SPATA31E1: variants seen among roughly 807,000 people sequenced by gnomAD.
SPATA31E1 encodes SPATA31 subfamily E member 1, also known as spermatogenesis-associated protein 31E1.
In SPATA31E1, 7 loss-of-function variants were observed where a neutral mutation model predicts 12.9. That is an observed-to-expected ratio of 0.54 (90% CI 0.31 to 1.02). The LOEUF (loss-of-function observed/expected upper bound fraction) is 1.02. SPATA31E1 is among the 50% of genes least tolerant of loss of function. The probability of loss-of-function intolerance (pLI) is 0.05; values close to 1 mark genes in which losing one functional copy is unlikely to be tolerated. For missense variants in SPATA31E1, 1,961 were observed against 1,799.8 expected (o/e 1.09, Z -1.62); for synonymous variants, 771 against 719.0 (o/e 1.07, Z -1.16).
Position 87,885,217 on chromosome 9 carries a change from C to T in SPATA31E1, c.730C>T (p.Pro244Ser). Residue 244 changes from proline to serine, a missense_variant, in exon 4 of 4, where the codon CCT (proline) becomes TCT (serine). Physicochemically the swap from Pro to Ser is moderately conservative, Grantham distance 74. Transcript: ENST00000325643. ...AACCCAGCCACATGTGGTTTTTCCT[C>T]CTTCACCACAGCCGCATGGTCCCCT... Reference protein sequence around the residue: ...PATQPHVVFPPSPQPHGPLAS... With the variant: ...PATQPHVVFPSSPQPHGPLAS... 1.2e-6 allele frequency: 2 copies of T among 1,614,142 alleles called. No individual in the cohort carries two copies. The highest frequency in any genetic ancestry group is 1.6e-4 in the Middle Eastern group (1 of 6,062).
At position 87,885,206 on chromosome 9, in the gene SPATA31E1, T is replaced by C; in HGVS notation, c.719T>C (p.Val240Ala). Residue 240 changes from valine to alanine, a missense_variant, in exon 4 of 4, where the codon GTG (valine) becomes GCG (alanine). Coordinates refer to ENST00000325643, the MANE Select transcript of SPATA31E1 (RefSeq NM_178828.5). Reference sequence around the variant, plus strand: ...AAATGCCCTGCAACCCAGCCACATGTGGTTTTTCCTCCTTCACCACAGCCG... The same window carrying C: ...AAATGCCCTGCAACCCAGCCACATGCGGTTTTTCCTCCTTCACCACAGCCG... ...PLKCPATQPH[V>A]VFPPSPQPHG... 2 of 1,613,952 alleles carry C rather than the reference T, an allele frequency of 1.2e-6. No homozygotes were observed. The highest frequency in any genetic ancestry group is 1.7e-6 in the Non-Finnish European group (2 of 1,179,974).
rs118103831 is a variant in SPATA31E1 at position 87,885,654 on chromosome 9, G to A, written c.1167G>A (p.Pro389=). Residue 389 remains proline (P), a synonymous_variant, in exon 4 of 4, where the codon CCG becomes CCA. Transcript: ENST00000325643. ...AAGAAAGAAAACGGGCCGACCACCC[G>A]CACATGACATCACTGGGGAAGGAGT... ...QEKERKRADH[P]HMTSLGKEWD... is the part of the protein sequence containing the mutation. 5,076 of 1,613,808 alleles carry A rather than the reference G, an allele frequency of 3.1e-3. 14 individuals carry two copies. The highest frequency in any genetic ancestry group is 3.2e-3 in the Non-Finnish European group (3,820 of 1,180,018).
Position 87,885,761 on chromosome 9 carries a change from C to T in SPATA31E1, c.1274C>T (p.Ala425Val). The T allele has an allele frequency of 6.2e-7, 1 of 1,614,026 alleles. No individual in the cohort carries two copies. The highest frequency in any genetic ancestry group is 8.5e-7 in the Non-Finnish European group (1 of 1,180,028). ...CCCCGTCCTCAGCAAGTCTCTGATGCCACAACCGTGGGGAACCACTTACAG... is the reference window on the plus strand; with the variant it reads ...CCCCGTCCTCAGCAAGTCTCTGATGTCACAACCGTGGGGAACCACTTACAG... ...QLPRPQQVSD[A>V]TTVGNHLQQK... The change falls in exon 4 of 4, where the codon GCC becomes GTC. Residue 425 changes from alanine to valine, a missense_variant. Transcript: ENST00000325643.
In SPATA31E1 at chr9:87,885,868, C is replaced by G. The variant is rs1211906687; in HGVS notation, c.1381C>G (p.Pro461Ala). ...GACCACAGTCTGGGTTTCTAGGAAC[C>G]CTTCCTCACAGAATGCACACTCTGT... ...LATTVWVSRN[P>A]SSQNAHSVPL... The change falls in exon 4 of 4, where the codon CCT becomes GCT. Residue 461 changes from proline (P) to alanine (A), a missense_variant. Transcript: ENST00000325643. The G allele has an allele frequency of 6.2e-7, 1 of 1,613,878 alleles. No homozygotes were observed. The highest frequency in any genetic ancestry group is 8.5e-7 in the Non-Finnish European group (1 of 1,180,032).
Position 87,885,450 on chromosome 9 carries a change from C to T in SPATA31E1, c.963C>T (p.Tyr321=), listed in dbSNP as rs188385692. 65 of 1,614,056 alleles carry T rather than the reference C, an allele frequency of 4.0e-5. No homozygotes were observed. The Admixed American group carries it at 1.1e-3, about 27-fold the overall frequency. Residue 321 remains tyrosine, a synonymous_variant, in exon 4 of 4, where the codon TAC becomes TAT. Transcript: ENST00000325643. ...EAATTWGLST[Y]SHGKSQPRHL... ...CCACCACCTGGGGCCTCTCCACCTACTCACATGGCAAATCCCAGCCACGGC... is the reference window on the plus strand; with the variant it reads ...CCACCACCTGGGGCCTCTCCACCTATTCACATGGCAAATCCCAGCCACGGC...
intron 3 of SPATA31E1, 82 bp downstream of exon 3, chr9:87,884,733 G>C: frequency 6.3e-7 from 1 of 1,575,890 alleles, no homozygotes; most frequent in East Asian, 2.2e-5. Flanking sequence ...GGTGATCTGG[G>C]AGGGGGAGGT....
rs1828239989 is a variant in SPATA31E1, at chr9:87,885,031, C to T, written c.544C>T (p.Gln182Ter). 1 of 1,614,010 alleles carries T rather than the reference C, an allele frequency of 6.2e-7. No individual in the cohort carries two copies. Among genetic ancestry groups the T allele is most frequent in the Admixed American group, 1.7e-5 (1 of 60,006 alleles). ...CCACCAGCCGCATGGGAAATGCATG[C>T]AAGATCCGTCTCCTGCCAGCTTGTC... ...KAHQPHGKCM[Q>*]DPSPASLSPP... The change falls in exon 4 of 4, where the codon CAA becomes TAA. Residue 182 changes from glutamine to a stop codon, truncating the protein, a stop_gained. Transcript: ENST00000325643. LOFTEE classifies it low-confidence loss of function (END_TRUNC).
At position 87,888,598 on chromosome 9, in the gene SPATA31E1, G is replaced by C; in HGVS notation, c.4111G>C (p.Glu1371Gln). The change falls in exon 4 of 4, where the codon GAG becomes CAG. Residue 1371 changes from glutamate to glutamine, a missense_variant. Transcript: ENST00000325643. ...RGHCHQERSR[E>Q]MRALACSPKA... ...TCACTGCCACCAAGAACGTAGCAGA[G>C]AGATGAGAGCTCTGGCCTGCAGCCC... The C allele has an allele frequency of 6.2e-7, 1 of 1,614,108 alleles. No homozygotes were observed. Among genetic ancestry groups the C allele is most frequent in the South Asian group, 1.1e-5 (1 of 91,074 alleles).
chr9:87,888,070 C>T lies in SPATA31E1; in HGVS notation c.3583C>T (p.Gln1195Ter). 6.2e-7 allele frequency: 1 copy of T among 1,603,456 alleles called. No homozygotes were observed. The highest frequency in any genetic ancestry group is 8.5e-7 in the Non-Finnish European group (1 of 1,175,006). Residue 1195 changes from glutamine to a stop codon, truncating the protein, a stop_gained, in exon 4 of 4, where the codon CAG becomes TAG. Transcript: ENST00000325643. LOFTEE classifies it low-confidence loss of function (END_TRUNC). ...AAAAGCAAAGGCCCCACAGAAGAGT[C>T]AGAAGACGCTGGGCTGTGCGGACAA... ...SPKAKAPQKS[Q>*]KTLGCADKGE...
Position 87,888,244 on chromosome 9 carries a change from G to A in SPATA31E1, c.3757G>A (p.Glu1253Lys), listed in dbSNP as rs765516517. The A allele has an allele frequency of 1.2e-5, 19 of 1,613,992 alleles. No homozygotes were observed. Among genetic ancestry groups the A allele is most frequent in the South Asian group, 1.1e-5 (1 of 91,084 alleles). ...QERKYNQLQL[E>K]KGQTPPESHF... Reference sequence around the variant, plus strand: ...AAGGAAATACAACCAGCTTCAGCTGGAGAAGGGACAGACACCACCAGAAAG... The same window carrying A: ...AAGGAAATACAACCAGCTTCAGCTGAAGAAGGGACAGACACCACCAGAAAG... Residue 1253 changes from glutamate (E) to lysine (K), a missense_variant, in exon 4 of 4, where the codon GAG becomes AAG. Physicochemically the swap from Glu to Lys is moderately conservative, Grantham distance 56. Coordinates refer to ENST00000325643, the MANE Select transcript of SPATA31E1 (RefSeq NM_178828.5).
rs36079890 is a variant in SPATA31E1 at position 87,886,499 on chromosome 9, C to G, written c.2012C>G (p.Thr671Arg). Residue 671 changes from threonine (T) to arginine (R), a missense_variant, in exon 4 of 4, where the codon ACG (threonine) becomes AGG (arginine). By Grantham distance (71) the Thr-to-Arg change is moderately conservative. Coordinates refer to ENST00000325643, the MANE Select transcript of SPATA31E1 (RefSeq NM_178828.5). ...AGGCCCCAGAGTCAGGCAGAAGACA[C>G]GCAGCAGGCCCTCTTGCCCTCCCAG... ...PGRPQSQAED[T>R]QQALLPSQPS... is the part of the protein sequence containing the mutation. 1 of 1,613,782 alleles carries G rather than the reference C, an allele frequency of 6.2e-7. No individual in the cohort carries two copies. The highest frequency in any genetic ancestry group is 1.1e-5 in the South Asian group (1 of 91,080).
rs778895600 is a variant in SPATA31E1, at chr9:87,887,481, G to C, written c.2994G>C (p.Glu998Asp). ...GSMGSEMAGN[E>D]AWLESESMSP... is the part of the protein sequence containing the mutation. ...TGGGTTCAGAAATGGCTGGGAACGAGGCATGGCTTGAGAGTGAGAGCATGT... is the reference window on the plus strand; with the variant it reads ...TGGGTTCAGAAATGGCTGGGAACGACGCATGGCTTGAGAGTGAGAGCATGT... Residue 998 changes from glutamate to aspartate, a missense_variant, in exon 4 of 4, where the codon GAG becomes GAC. Coordinates refer to ENST00000325643, the MANE Select transcript of SPATA31E1 (RefSeq NM_178828.5). 1 of 1,613,898 alleles carries C rather than the reference G, an allele frequency of 6.2e-7. No individual in the cohort carries two copies. The highest frequency in any genetic ancestry group is 1.1e-5 in the South Asian group (1 of 91,090).
chr9:87,887,374 A>C lies in SPATA31E1; in HGVS notation c.2887A>C (p.Thr963Pro). 1.2e-6 allele frequency: 2 copies of C among 1,613,830 alleles called. No individual in the cohort carries two copies. The highest frequency in any genetic ancestry group is 4.5e-5 in the East Asian group (2 of 44,866). The change falls in exon 4 of 4, where the codon ACA becomes CCA. Residue 963 changes from threonine to proline, a missense_variant. Physicochemically the swap from Thr to Pro is conservative, Grantham distance 38. Transcript: ENST00000325643. ...GGGCAGGGGGTGTTCTCAGCCCCCA[A>C]CATGCAGCCTTGTGGGCAGAACCTG... ...HKGRGCSQPPTCSLVGRTWQS... is the reference protein window; with the variant it reads ...HKGRGCSQPPPCSLVGRTWQS...
chr9:87,886,440 G>A lies in SPATA31E1; in HGVS notation c.1953G>A (p.Gly651=). The A allele has an allele frequency of 2.5e-6, 4 of 1,613,922 alleles. No individual in the cohort carries two copies. The highest frequency in any genetic ancestry group is 3.4e-6 in the Non-Finnish European group (4 of 1,179,982). Reference sequence around the variant, plus strand: ...CTCCCAGCAGATTGCAGGCATCTGGGGACCTGCTACAGCCTGATGGGGAAT... The same window carrying A: ...CTCCCAGCAGATTGCAGGCATCTGGAGACCTGCTACAGCCTGATGGGGAAT... ...CGPPSRLQAS[G]DLLQPDGEFP... Residue 651 remains glycine, a synonymous_variant, in exon 4 of 4, where the codon GGG becomes GGA. Coordinates refer to ENST00000325643, the MANE Select transcript of SPATA31E1 (RefSeq NM_178828.5).
rs1405694894 is a variant in SPATA31E1 at position 87,887,815 on chromosome 9, G to A, written c.3328G>A (p.Glu1110Lys). ...IALIVQVDSE[E>K]QLPGRAPGIL... ...GCTCATAGTGCAGGTGGACTCAGAGGAGCAGCTGCCAGGCCGTGCCCCGGG... is the reference window on the plus strand; with the variant it reads ...GCTCATAGTGCAGGTGGACTCAGAGAAGCAGCTGCCAGGCCGTGCCCCGGG... The change falls in exon 4 of 4, where the codon GAG becomes AAG. Residue 1110 changes from glutamate (E) to lysine (K), a missense_variant. Transcript: ENST00000325643. The A allele has an allele frequency of 1.9e-6, 3 of 1,613,922 alleles. No homozygotes were observed. The highest frequency in any genetic ancestry group is 4.5e-5 in the East Asian group (2 of 44,882).
At position 87,886,611 on chromosome 9, in the gene SPATA31E1, A is replaced by G; in HGVS notation, c.2124A>G (p.Leu708=). The change falls in exon 4 of 4, where the codon TTA becomes TTG. Residue 708 remains leucine, a synonymous_variant. Coordinates refer to ENST00000325643, the MANE Select transcript of SPATA31E1 (RefSeq NM_178828.5). ...GAAGGTTCTCTGACAAGGGGTGCTT[A>G]GGGTCCAAACTAGGGCCGGACCCAA... ...SSGRFSDKGC[L]GSKLGPDPSR... 1 of 1,614,070 alleles carries G rather than the reference A, an allele frequency of 6.2e-7. No individual in the cohort carries two copies. Among genetic ancestry groups the G allele is most frequent in the Non-Finnish European group, 8.5e-7 (1 of 1,180,028 alleles).
Position 87,887,989 on chromosome 9 carries a change from T to C in SPATA31E1, c.3502T>C (p.Cys1168Arg), listed in dbSNP as rs983450074. ...GKNMTASQGPCALLWKGGDSP... is the reference protein window; with the variant it reads ...GKNMTASQGPRALLWKGGDSP... The stretch of plus-strand genomic sequence containing the variant: ...GAACATGACAGCTTCCCAGGGGCCA[T>C]GTGCCCTCCTATGGAAGGGAGGGGA... The change falls in exon 4 of 4, where the codon TGT (cysteine) becomes CGT (arginine). Residue 1168 changes from cysteine to arginine, a missense_variant. By Grantham distance (180) the Cys-to-Arg change is radical. Coordinates refer to ENST00000325643, the MANE Select transcript of SPATA31E1 (RefSeq NM_178828.5). 2.0e-5 allele frequency: 32 copies of C among 1,613,656 alleles called. No individual in the cohort carries two copies. Among genetic ancestry groups the C allele is most frequent in the Non-Finnish European group, 2.6e-5 (31 of 1,179,976 alleles).
Position 87,884,066 on chromosome 9 carries a change from CG to C in SPATA31E1, c.364+23del. The C allele has an allele frequency of 6.3e-7, 1 of 1,584,504 alleles. No individual in the cohort carries two copies. The highest frequency in any genetic ancestry group is 2.3e-5 in the East Asian group (1 of 43,510). ...TGAAAGGTGAGGCTCTGCTGCCCCC[CG>C]GGACTCCCCAGAGGTAACTGAGCTT... On this transcript the variant is annotated intron_variant, in intron 2 of 3. Coordinates refer to ENST00000325643, the MANE Select transcript of SPATA31E1 (RefSeq NM_178828.5).
In SPATA31E1 at chr9:87,888,439, A is replaced by G; in HGVS notation, c.3952A>G (p.Thr1318Ala). ...FMDCMADKAW[T>A]ISRVVGQILV... ...GGACTGCATGGCTGACAAAGCCTGGACCATCAGCAGAGTTGTGGGACAAAT... is the reference window on the plus strand; with the variant it reads ...GGACTGCATGGCTGACAAAGCCTGGGCCATCAGCAGAGTTGTGGGACAAAT... The change falls in exon 4 of 4, where the codon ACC becomes GCC. Residue 1318 changes from threonine (T) to alanine (A), a missense_variant. By Grantham distance (58) the Thr-to-Ala change is moderately conservative. Coordinates refer to ENST00000325643, the MANE Select transcript of SPATA31E1 (RefSeq NM_178828.5). The G allele has an allele frequency of 3.7e-6, 6 of 1,613,828 alleles. No homozygotes were observed. The highest frequency in any genetic ancestry group is 5.1e-6 in the Non-Finnish European group (6 of 1,180,028).
Sources: gnomAD v4.1 joint callset for allele counts on GRCh38, gnomAD v4.1.1 for gene constraint, MANE v1.5 for transcripts, NCBI Gene and HGNC (gene_info 2026-07-23, HGNC 2026-07-21) for gene names.